PPP5C: variants seen among roughly 807,000 people sequenced by gnomAD.
PPP5C encodes serine/threonine-protein phosphatase 5.
A neutral mutation model predicts 66.7 loss-of-function variants in PPP5C; 21 were observed. The observed-to-expected ratio is 0.31, with a 90% CI of 0.22 to 0.45. PPP5C has a LOEUF of 0.45. Ranked by LOEUF, PPP5C falls within the 20% of genes least tolerant of loss-of-function variation. The probability of loss-of-function intolerance (pLI) is 1.00; values close to 1 mark genes in which losing one functional copy is unlikely to be tolerated. For missense variants in PPP5C, 464 were observed against 675.9 expected, an observed-to-expected ratio of 0.69 and a Z score of 3.48; for synonymous variants, 246 against 257.4, an observed-to-expected ratio of 0.96 and a Z score of 0.43.
chr19:46,379,225 T>A (rs973309950), intron 4 of PPP5C, among the ~76,000 whole-genome samples: 2 of 152,182 alleles, frequency 1.3e-5, no homozygotes, highest in African/African-American at 4.8e-5. Context: ...AGCTAACTTC[T>A]GTATTTTTAG....
intron 1 of PPP5C, among the ~76,000 whole-genome samples, chr19:46,348,594 A>G (rs1349579138): frequency 1.3e-5 from 2 of 152,134 alleles, no homozygotes; most frequent in African/African-American, 4.8e-5. Flanking sequence ...GATTACAGGC[A>G]TGAGCCACCA....
Position 46,347,222 on chromosome 19 carries a change from G to C in PPP5C, c.121+5G>C. On this transcript the variant is annotated splice_donor_5th_base_variant and intron_variant, in intron 1 of 12. Coordinates refer to ENST00000012443, the MANE Select transcript of PPP5C (RefSeq NM_006247.4). ...AGGCCAATGACTACTTCAAAGGTGC[G>C]CCCGCCTGGCAGGGAGGGTGGACAG... 6.2e-7 allele frequency: 1 copy of C among 1,601,088 alleles called. No homozygotes were observed. The highest frequency in any genetic ancestry group is 8.5e-7 in the Non-Finnish European group (1 of 1,174,198).
intron 9 of PPP5C, chr19:46,387,708 TG>T (rs1312773292): frequency 7.1e-7 from 1 of 1,407,032 alleles, no homozygotes; most frequent in Non-Finnish European, 9.3e-7. Context: ...TATTTATTTG[TG>T]AGTTCAGCTG....
In PPP5C at chr19:46,353,640, G is replaced by A. The variant is rs992410604; in HGVS notation, c.122-108G>A. On this transcript the variant is annotated intron_variant, in intron 1 of 12. Transcript: ENST00000012443. ...AAGAGATGTCTCTGGGCTCAGGGTA[G>A]CCCTCAGCTTCCCCATCTGTGAACA... The A allele has an allele frequency of 1.7e-5, 25 of 1,492,708 alleles. No homozygotes were observed. In the Admixed American group the frequency reaches 4.4e-4, roughly 26 times the overall value. The allele number at this position is 1,492,708 out of a possible 1,614,324, so 92.5% of individuals were successfully genotyped here. A position where few individuals can be genotyped will look rare whatever the true frequency, so the allele number is the denominator to read the frequency against.
chr19:46,378,720 C>T (rs769799125), intron 4 of PPP5C, among the ~76,000 whole-genome samples: 1 of 152,188 alleles, frequency 6.6e-6, no homozygotes, highest in Non-Finnish European at 1.5e-5. Flanking sequence ...CTTGAAATCC[C>T]TGTTTTCTAT....
chr19:46,384,989 G>GA, intron 7 of PPP5C, 80 bp downstream of exon 7: 2 of 1,146,706 alleles, frequency 1.7e-6, no homozygotes, highest in African/African-American at 1.5e-5. Context: ...AATAGTTGCA[G>GA]CTGTATTTAT....
chr19:46,377,789 A>G (rs1317210483), intron 4 of PPP5C, among the ~76,000 whole-genome samples: 3 of 152,196 alleles, frequency 2.0e-5, no homozygotes, highest in African/African-American at 7.2e-5. Context: ...ATGTGGCACA[A>G]TGTGTGTGGG....
At chr19:46,361,864 A>T (rs780770608) in intron 2 of PPP5C, among the ~76,000 whole-genome samples, 1 of 152,202 alleles carries the variant, frequency 6.6e-6, no homozygotes, top group Non-Finnish European at 1.5e-5. Flanking sequence ...AATTTTAATA[A>T]AACCTTATAA....
At position 46,388,798 on chromosome 19, in the gene PPP5C, T is replaced by G; in HGVS notation, c.1355+67T>G. On this transcript the variant is annotated intron_variant, in intron 11 of 12. Transcript: ENST00000012443. This position sits in a 1 kb window ranked among gnomAD's most constrained non-coding sequence, Gnocchi z 4.9. ...CGGGTTTTTGTCTTGGTTTTTGTTTTGCCTTTTTATGATGGAACATTTCAA... is the reference window on the plus strand; with the variant it reads ...CGGGTTTTTGTCTTGGTTTTTGTTTGGCCTTTTTATGATGGAACATTTCAA... 6.5e-7 allele frequency: 1 copy of G among 1,545,820 alleles called. No homozygotes were observed. The highest frequency in any genetic ancestry group is 8.8e-7 in the Non-Finnish European group (1 of 1,137,740).
chr19:46,363,552 C>T lies in PPP5C; in HGVS notation c.363+9563C>T, dbSNP rs113647504. Reference sequence around the variant, plus strand: ...TCAAGCGATTCTCCTGCCTCAGCCTCCAAGTAGCTGGGATTGCAGGCACGC... The same window carrying T: ...TCAAGCGATTCTCCTGCCTCAGCCTTCAAGTAGCTGGGATTGCAGGCACGC... On this transcript the variant is annotated intron_variant, in intron 2 of 12. Transcript: ENST00000012443. Among the ~76,000 whole-genome samples the T allele has an allele frequency of 8.0e-3, 1,208 of 151,414 alleles. 20 individuals carry two copies. The highest frequency in any genetic ancestry group is 0.027 in the African/African-American group (1,112 of 41,312).
At chr19:46,349,378 AT>A (rs1384173089) in intron 1 of PPP5C, among the ~76,000 whole-genome samples, 1 of 152,084 alleles carries the variant, frequency 6.6e-6, no homozygotes, top group Non-Finnish European at 1.5e-5. Context: ...GAGATGGAGA[AT>A]TGATTCTGCA....
At chr19:46,360,520 A>G (rs1193877059) in intron 2 of PPP5C, among the ~76,000 whole-genome samples, 1 of 149,126 alleles carries the variant, frequency 6.7e-6, no homozygotes, top group Non-Finnish European at 1.5e-5. Context: ...TCTTTTTTGG[A>G]GACAAAGTCT....
intron 2 of PPP5C, among the ~76,000 whole-genome samples, chr19:46,366,479 G>A (rs1972493460): frequency 6.6e-6 from 1 of 151,984 alleles, no homozygotes; most frequent in South Asian, 2.1e-4. Context: ...CCAAGTAGCT[G>A]GGACTGCAAG....
chr19:46,379,313 A>G (rs1236300704), intron 4 of PPP5C, among the ~76,000 whole-genome samples: 5 of 152,078 alleles, frequency 3.3e-5, no homozygotes, highest in African/African-American at 1.2e-4. Flanking sequence ...CAGCCTCCCA[A>G]AGTGCTGGAA....
At position 46,376,437 on chromosome 19, in the gene PPP5C, G is replaced by A. The variant is rs377722946; in HGVS notation, c.512-16G>A. ...CTGTGGTCACTGACTCTCGTGTCCC[G>A]TTGTTCACACCCTAGCCATTGAGGA... On this transcript the variant is annotated splice_polypyrimidine_tract_variant and intron_variant, in intron 3 of 12. Transcript: ENST00000012443. The surrounding 1 kb of genome is among the most constrained non-coding windows in gnomAD (Gnocchi z 5.1). The A allele has an allele frequency of 1.3e-5, 21 of 1,611,862 alleles. No individual in the cohort carries two copies. Among genetic ancestry groups the A allele is most frequent in the East Asian group, 8.9e-5 (4 of 44,794 alleles).
chr19:46,375,584 G>T lies in PPP5C; in HGVS notation c.364-20G>T, dbSNP rs201611725. The T allele has an allele frequency of 2.5e-6, 4 of 1,612,748 alleles. No individual in the cohort carries two copies. The Admixed American group carries it at 5.0e-5, about 20-fold the overall frequency. ...CCCCCACCTCAGCCTCAGTGTGCACGCCCCTTCCCTCCCACCCAGGTGGTC... is the reference window on the plus strand; with the variant it reads ...CCCCCACCTCAGCCTCAGTGTGCACTCCCCTTCCCTCCCACCCAGGTGGTC... On this transcript the variant is annotated intron_variant, in intron 2 of 12. Transcript: ENST00000012443.
At chr19:46,351,621 G>C (rs1411066877) in intron 1 of PPP5C, among the ~76,000 whole-genome samples, 3 of 152,234 alleles carry the variant, frequency 2.0e-5, no homozygotes, top group Non-Finnish European at 4.4e-5. Flanking sequence ...GCCCCATCAG[G>C]AGCGCGGGCC....
At chr19:46,387,339 T>C (rs1171076306) in intron 8 of PPP5C, 27 bp from the exon 9 acceptor site, 1 of 1,607,156 alleles carries the variant, frequency 6.2e-7, no homozygotes, top group Non-Finnish European at 8.5e-7. Flanking sequence ...GCACCTTCCC[T>C]CACAGCGGCA....
chr19:46,377,706 AAATT>A (rs1162636063), intron 4 of PPP5C, among the ~76,000 whole-genome samples: 19 of 152,210 alleles, frequency 1.2e-4, no homozygotes, highest in African/African-American at 4.6e-4. Context: ...TCACCACTGT[AAATT>A]AATTCTGCCT....
Sources: gnomAD v4.1 joint callset for allele counts (sites outside exome capture counted in the v4.1 genomes callset) on GRCh38, gnomAD v4.1.1 for gene constraint, Gnocchi (gnomAD v3.1) non-coding constraint, MANE v1.5 for transcripts, NCBI Gene and HGNC (gene_info 2026-07-23, HGNC 2026-07-21) for gene names.